Variants in PAK3 observed in about 807,000 individuals in gnomAD.
The protein encoded by PAK3 is serine/threonine-protein kinase PAK 3.
Under a neutral mutation model 41.0 loss-of-function variants are expected in PAK3, and 4 were observed. That is an observed-to-expected ratio of 0.10 (90% confidence interval 0.05 to 0.22). The LOEUF is 0.22. Among genes scored for constraint, PAK3 ranks in the 10% least tolerant of loss-of-function variants. PAK3 has a pLI of 1.00. For missense variants in PAK3, 205 were observed against 409.9 expected (o/e 0.50, Z 4.32); for synonymous variants, 146 against 139.6 (o/e 1.05, Z -0.32).
At chrX:110,993,134 C>T (rs2091679583) in intron 1 of PAK3, among the ~76,000 whole-genome samples, 1 of 111,657 alleles carries the variant, frequency 9.0e-6, no homozygotes. Flanking sequence ...AGAAACTGTA[C>T]TTTGATTATG....
intron 1 of PAK3, among the ~76,000 whole-genome samples, chrX:110,947,792 T>A (rs1300962032): frequency 1.8e-5 from 2 of 111,239 alleles, no homozygotes; most frequent in Non-Finnish European, 3.8e-5. Context: ...GAGTTCTGAG[T>A]TCAGAGGCTG....
chrX:111,038,084 C>G (rs1469692795), intron 1 of PAK3, among the ~76,000 whole-genome samples: 1 of 111,936 alleles, frequency 8.9e-6, no homozygotes, highest in Non-Finnish European at 1.9e-5. Context: ...GCCCCAAACT[C>G]ACAGGGTAGG....
intron 1 of PAK3, among the ~76,000 whole-genome samples, chrX:111,013,119 G>T (rs1260468078): frequency 8.9e-6 from 1 of 112,234 alleles, no homozygotes; most frequent in East Asian, 2.8e-4. Context: ...CTGCTCACAT[G>T]CCACTTTCCA....
At chrX:111,133,573 T>C (rs2093748724) in intron 5 of PAK3, among the ~76,000 whole-genome samples, 1 of 112,160 alleles carries the variant, frequency 8.9e-6, no homozygotes, top group Non-Finnish European at 1.9e-5. Context: ...ACTACAGTGA[T>C]CCACAATTCA....
At chrX:111,145,521 G>A (rs2093932535) in intron 6 of PAK3, among the ~76,000 whole-genome samples, 1 of 111,774 alleles carries the variant, frequency 8.9e-6, no homozygotes, top group South Asian at 3.8e-4. Flanking sequence ...GGCCATTACG[G>A]TATTAACAAA....
rs1247484237 is a variant in PAK3 at position 111,226,040 on chromosome X, G to A, written c.*5593G>A. 1 of 110,485 alleles carries A rather than the reference G, an allele frequency of 9.1e-6. No homozygotes were observed. Among genetic ancestry groups the A allele is most frequent in the Non-Finnish European group, 1.9e-5 (1 of 52,926 alleles). 9.1% of individuals were successfully genotyped at this position (110,485 alleles called of 1,213,427 possible). On this transcript the variant is annotated 3_prime_UTR_variant, in exon 18 of 18. Transcript: ENST00000372007. The stretch of plus-strand genomic sequence containing the variant: ...AAAAATACAAAATTAGCCGGGTGTG[G>A]TGGCGGGCGCCTGTAATCCCAGCTA...
Position 110,960,913 on chromosome X carries a change from G to T in PAK3, c.-28+16285G>T, listed in dbSNP as rs753882061. ...ATCTGTTGATTCTACAGTGGTCTTC[G>T]TGGATGTTAGTCCCTCCTGGCTTCC... On this transcript the variant is annotated intron_variant, in intron 1 of 14. Transcript: ENST00000425146. Among the ~76,000 whole-genome samples, 3 of 111,389 alleles carry T rather than the reference G, an allele frequency of 2.7e-5. No homozygotes were observed. The East Asian group carries it at 8.5e-4, about 31-fold the overall frequency.
chrX:111,071,747 C>T (rs969744418), intron 1 of PAK3, among the ~76,000 whole-genome samples: 1 of 111,937 alleles, frequency 8.9e-6, no homozygotes, highest in Non-Finnish European at 1.9e-5. Context: ...TAGTACTGTT[C>T]AAATTTTCTA....
chrX:111,011,421 C>G (rs1233973170), intron 1 of PAK3, among the ~76,000 whole-genome samples: 1 of 111,675 alleles, frequency 9.0e-6, no homozygotes, highest in Non-Finnish European at 1.9e-5. Context: ...CTTCATCTCC[C>G]TGGCATGCAA....
At chrX:111,008,056 T>C (rs1288582691) in intron 1 of PAK3, among the ~76,000 whole-genome samples, 1 of 112,024 alleles carries the variant, frequency 8.9e-6, no homozygotes, top group Non-Finnish European at 1.9e-5. Context: ...TTAAATCAAA[T>C]AGCGAGTACA....
intron 1 of PAK3, among the ~76,000 whole-genome samples, chrX:111,065,317 G>GTT (rs56710729): frequency 0.013 from 1,299 of 102,099 alleles, 7 homozygotes; most frequent in Middle Eastern, 0.025. Context: ...AGATGATCAC[G>GTT]TTTTTTTTTT....
At chrX:111,181,462 T>C (rs1011978853) in intron 11 of PAK3, among the ~76,000 whole-genome samples, 10 of 111,358 alleles carry the variant, frequency 9.0e-5, no homozygotes, top group African/African-American at 3.3e-4. Context: ...AGCTCATGCG[T>C]AATCAAGCCC....
chrX:111,146,319 C>T (rs1182535807), intron 6 of PAK3, among the ~76,000 whole-genome samples: 1 of 111,410 alleles, frequency 9.0e-6, no homozygotes, highest in African/African-American at 3.3e-5. Context: ...GAAGCATCGT[C>T]GTTCTCTCTG....
intron 1 of PAK3, among the ~76,000 whole-genome samples, chrX:110,970,375 A>G (rs1450696657): frequency 8.9e-6 from 1 of 112,126 alleles, no homozygotes; most frequent in East Asian, 2.8e-4. Flanking sequence ...TGTTCATCTG[A>G]TGTTAGTTTC....
chrX:111,005,254 C>T (rs73526705), intron 1 of PAK3, among the ~76,000 whole-genome samples: 3,892 of 110,916 alleles, frequency 0.035, 163 homozygotes, highest in African/African-American at 0.12. Flanking sequence ...CGGAGGGTGG[C>T]GGAAGCATGC....
rs537281250 is a variant in PAK3 at position 111,163,943 on chromosome X, A to T, written c.766+216A>T. On this transcript the variant is annotated intron_variant, in intron 10 of 17. Transcript: ENST00000372007. ...GGAACTAAATATTTTTACTTGAAGG[A>T]ATCAATTGAGGTGAAAATTGATAAG... Among the ~76,000 whole-genome samples, 55 of 112,094 alleles carry T rather than the reference A, an allele frequency of 4.9e-4. 1 individual carries two copies. In the South Asian group the frequency reaches 0.02, roughly 40 times the overall value.
chrX:111,174,888 T>C (rs1397157814), intron 11 of PAK3, among the ~76,000 whole-genome samples: 2 of 111,223 alleles, frequency 1.8e-5, no homozygotes, highest in Non-Finnish European at 3.8e-5. Flanking sequence ...GCTTACTCAA[T>C]TCAACCAAGT....
rs1054042042 is a variant in PAK3 at position 111,212,629 on chromosome X, A to G, written c.1408-3792A>G. On this transcript the variant is annotated intron_variant, in intron 16 of 17. Transcript: ENST00000372007. The stretch of plus-strand genomic sequence containing the variant: ...ATACTGTTGCAATTAAAATGAAAAC[A>G]ATAGTTGCAAAAGAAATAGTCTGGG... 4.5e-5 allele frequency among the ~76,000 whole-genome samples: 5 copies of G among 112,057 alleles called. No individual in the cohort carries two copies. In the Admixed American group the frequency reaches 4.7e-4, roughly 11 times the overall value.
At chrX:111,181,453 GC>G (rs1363487541) in intron 11 of PAK3, among the ~76,000 whole-genome samples, 1 of 110,903 alleles carries the variant, frequency 9.0e-6, no homozygotes, top group Non-Finnish European at 1.9e-5. Context: ...TTTGCTACTA[GC>G]TCATGCGTAA....
Sources: gnomAD v4.1 joint callset for allele counts (sites outside exome capture counted in the v4.1 genomes callset) on GRCh38, gnomAD v4.1.1 for gene constraint, MANE v1.5 for transcripts, NCBI Gene and HGNC (gene_info 2026-07-23, HGNC 2026-07-21) for gene names.